Variants in LRRTM4 observed in about 807,000 individuals in gnomAD.
LRRTM4 encodes the protein leucine rich repeat transmembrane neuronal 4.
Under a neutral mutation model 47.6 loss-of-function variants are expected in LRRTM4, and 25 were observed. The observed-to-expected ratio is 0.53, with a 90% CI of 0.38 to 0.73. LRRTM4 has a LOEUF of 0.73. Ranked by LOEUF, LRRTM4 falls within the 30% of genes least tolerant of loss-of-function variation. The probability of loss-of-function intolerance (pLI) is 0.00; values close to 1 mark genes in which losing one functional copy is unlikely to be tolerated. For missense variants in LRRTM4, 638 were observed against 713.4 expected, an observed-to-expected ratio of 0.89 and a Z score of 1.20; for synonymous variants, 311 against 269.5, an observed-to-expected ratio of 1.15 and a Z score of -1.51.
intron 3 of LRRTM4, among the ~76,000 whole-genome samples, chr2:77,032,589 A>T (rs778939971): frequency 2.4e-4 from 36 of 152,244 alleles, no homozygotes; most frequent in Non-Finnish European, 4.6e-4. Context: ...ACTAATTAAG[A>T]TCTGTTTTAT....
At chr2:76,842,701 CTTTTTT>C (rs544585382) in intron 3 of LRRTM4, among the ~76,000 whole-genome samples, 1 of 151,710 alleles carries the variant, frequency 6.6e-6, no homozygotes, top group Non-Finnish European at 1.5e-5. Context: ...CTCCAATTTT[CTTTTTT>C]TAACTTTATA....
chr2:77,116,131 A>G (rs1023783595), intron 3 of LRRTM4, among the ~76,000 whole-genome samples: 4 of 152,130 alleles, frequency 2.6e-5, no homozygotes, highest in African/African-American at 9.7e-5. Flanking sequence ...CTTGATTTGT[A>G]GTGTCAACGT....
chr2:77,477,045 C>T (rs954514015), intron 3 of LRRTM4, among the ~76,000 whole-genome samples: 6 of 151,152 alleles, frequency 4.0e-5, no homozygotes, highest in Admixed American at 6.6e-5. Flanking sequence ...GTTTACTGGG[C>T]TTTCCAATGC....
intron 3 of LRRTM4, among the ~76,000 whole-genome samples, chr2:76,978,134 C>A (rs1020408380): frequency 1.3e-5 from 2 of 151,966 alleles, no homozygotes; most frequent in Non-Finnish European, 2.9e-5. Context: ...TCATAGTTTT[C>A]TTTCTTTTAT....
chr2:76,959,219 G>A (rs918322848), intron 3 of LRRTM4, among the ~76,000 whole-genome samples: 1 of 151,628 alleles, frequency 6.6e-6, no homozygotes, highest in African/African-American at 2.4e-5. Context: ...TTGGTAAGAT[G>A]TCAAATTTTA....
intron 3 of LRRTM4, among the ~76,000 whole-genome samples, chr2:76,965,917 C>A (rs1239772273): frequency 6.6e-6 from 1 of 151,370 alleles, no homozygotes. Flanking sequence ...TGCCTTTGTA[C>A]ACCCTCATAA....
intron 3 of LRRTM4, among the ~76,000 whole-genome samples, chr2:76,945,252 G>T (rs949041836): frequency 6.6e-6 from 1 of 152,002 alleles, no homozygotes; most frequent in African/African-American, 2.4e-5. Context: ...ACAAAATAAA[G>T]CAACTAGCGT....
In LRRTM4 at chr2:77,519,359, C is replaced by T; in HGVS notation, c.510G>A (p.Lys170=). ...CTTGAAAAACTCTTATGGGCACAGT[C>T]TTTAGTGAGTTAGATCTCAAGTGCA... is the stretch of plus-strand genomic sequence containing the variant. ...IILHLRSNSL[K]TVPIRVFQDC... Residue 170 remains lysine (K), a synonymous_variant, in exon 3 of 4, where the codon AAG becomes AAA. Transcript: ENST00000409884. This position sits in a 1 kb window ranked among gnomAD's most constrained non-coding sequence, Gnocchi z 4.6. The T allele has an allele frequency of 6.2e-7, 1 of 1,613,350 alleles. No homozygotes were observed. Among genetic ancestry groups the T allele is most frequent in the South Asian group, 1.1e-5 (1 of 91,060 alleles).
intron 3 of LRRTM4, among the ~76,000 whole-genome samples, chr2:77,110,378 C>T (rs916995575): frequency 5.3e-5 from 8 of 152,110 alleles, no homozygotes; most frequent in Non-Finnish European, 1.2e-4. Context: ...AACCCACTAA[C>T]ACAACCTTGC....
rs768881 is a variant in LRRTM4 at position 77,251,732 on chromosome 2, C to T, written c.1551+266586G>A. On this transcript the variant is annotated intron_variant, in intron 3 of 3. Coordinates refer to ENST00000409884, the MANE Select transcript of LRRTM4 (RefSeq NM_001134745.3). The stretch of plus-strand genomic sequence containing the variant: ...TTTGAGCCAGAACTACTTAGCACCA[C>T]TGCCCTTGCACTCACCCACTATACT... 3.5e-3 allele frequency among the ~76,000 whole-genome samples: 530 copies of T among 152,308 alleles called. 1 individual carries two copies. Among genetic ancestry groups the T allele is most frequent in the African/African-American group, 0.012 (501 of 41,574 alleles).
intron 3 of LRRTM4, among the ~76,000 whole-genome samples, chr2:77,337,028 GATACAAAATCA>G (rs1671192313): frequency 6.6e-6 from 1 of 152,068 alleles, no homozygotes; most frequent in East Asian, 1.9e-4. Context: ...AAAGTTTAAG[GATACAAAATCA>G]ATGCACAAAA....
chr2:76,878,484 G>A, intron 3 of LRRTM4, among the ~76,000 whole-genome samples: 1 of 151,740 alleles, frequency 6.6e-6, no homozygotes, highest in East Asian at 1.9e-4. Flanking sequence ...GGCCTTTTGT[G>A]CCACATATCC....
At chr2:76,761,458 A>C (rs1673252266) in intron 3 of LRRTM4, among the ~76,000 whole-genome samples, 1 of 152,188 alleles carries the variant, frequency 6.6e-6, no homozygotes. Flanking sequence ...CAGTTGGGTA[A>C]GTTTAACAGC....
intron 3 of LRRTM4, among the ~76,000 whole-genome samples, chr2:77,499,222 G>C (rs1398487081): frequency 1.3e-5 from 2 of 151,858 alleles, no homozygotes; most frequent in Admixed American, 1.3e-4. Flanking sequence ...CAATGCTCAG[G>C]ACAGATCTCA....
intron 3 of LRRTM4, among the ~76,000 whole-genome samples, chr2:76,905,546 T>C (rs1381817915): frequency 2.6e-5 from 4 of 151,926 alleles, no homozygotes; most frequent in Non-Finnish European, 4.4e-5. Context: ...ACGATCAAAC[T>C]ACGAGCTACA....
At chr2:77,210,672 T>G (rs997903407) in intron 3 of LRRTM4, among the ~76,000 whole-genome samples, 2 of 152,108 alleles carry the variant, frequency 1.3e-5, no homozygotes, top group African/African-American at 2.4e-5. Context: ...GACTCCTAAT[T>G]TTGTGTGCCA....
chr2:76,968,784 A>C (rs953973227), intron 3 of LRRTM4, among the ~76,000 whole-genome samples: 14 of 151,910 alleles, frequency 9.2e-5, no homozygotes, highest in African/African-American at 2.9e-4. Flanking sequence ...CCAGTCTTTC[A>C]GAGTTCAAAG....
At chr2:77,396,489 TTAAA>T (rs1186061181) in intron 3 of LRRTM4, among the ~76,000 whole-genome samples, 1 of 151,962 alleles carries the variant, frequency 6.6e-6, no homozygotes, top group African/African-American at 2.4e-5. Flanking sequence ...TTAAATGTTG[TTAAA>T]TGAATGACAG....
intron 3 of LRRTM4, among the ~76,000 whole-genome samples, chr2:76,907,932 C>T (rs1466531046): frequency 6.7e-6 from 1 of 149,244 alleles, no homozygotes; most frequent in Admixed American, 6.7e-5. Context: ...GAACTGGTAC[C>T]ATTCCTTCTG....
Sources: gnomAD v4.1 joint callset for allele counts (sites outside exome capture counted in the v4.1 genomes callset) on GRCh38, gnomAD v4.1.1 for gene constraint, Gnocchi (gnomAD v3.1) non-coding constraint, MANE v1.5 for transcripts, NCBI Gene and HGNC (gene_info 2026-07-23, HGNC 2026-07-21) for gene names.